Variants in PTGR1 observed in about 807,000 individuals in gnomAD.
The protein encoded by PTGR1 is prostaglandin reductase 1, also known as 15-oxoprostaglandin 13-reductase.
Under a neutral mutation model 37.7 loss-of-function variants are expected in PTGR1, and 23 were observed. That is an observed-to-expected ratio of 0.61 (90% CI 0.44 to 0.86). The LOEUF (loss-of-function observed/expected upper bound fraction) is 0.86, where lower values mean the gene tolerates loss of function less well. Among genes scored for constraint, PTGR1 ranks in the 40% least tolerant of loss-of-function variants. The pLI, the probability that PTGR1 is intolerant of heterozygous loss-of-function variation, is 0.00. For synonymous variants in PTGR1, 134 were observed against 140.0 expected (o/e 0.96, Z 0.30); for missense variants, 351 against 394.3 (o/e 0.89, Z 0.93).
intron 9 of PTGR1, among the ~76,000 whole-genome samples, chr9:111,552,795 AAAATAT>A (rs142667436): frequency 0.026 from 3,943 of 152,320 alleles, 69 homozygotes; most frequent in Non-Finnish European, 0.037. Context: ...CTTTATTATT[AAAATAT>A]AAATATTCTA....
intron 7 of PTGR1, chr9:111,575,357 C>T (rs1211019858): frequency 6.6e-6 from 1 of 152,252 alleles, no homozygotes; most frequent in African/African-American, 2.4e-5. Context: ...AAGACCATAC[C>T]TTTTATAACT....
chr9:111,598,756 T>C (rs1297918051), intron 1 of PTGR1, among the ~76,000 whole-genome samples: 1 of 152,032 alleles, frequency 6.6e-6, no homozygotes, highest in African/African-American at 2.4e-5. Flanking sequence ...CGACCTTCCA[T>C]AGTGCTGGGA....
intron 9 of PTGR1, among the ~76,000 whole-genome samples, chr9:111,552,299 A>G (rs1417630291): frequency 6.6e-6 from 1 of 152,070 alleles, no homozygotes; most frequent in Non-Finnish European, 1.5e-5. Flanking sequence ...TTTTTTTCAG[A>G]AGTTTCATAA....
rs756333835 is a variant in PTGR1, at chr9:111,574,764, T to A, written c.730A>T (p.Thr244Ser). Residue 244 changes from threonine (T) to serine (S), a missense_variant, in exon 8 of 10, where the codon ACA (threonine) becomes TCA (serine). Thr to Ser is a moderately conservative substitution (Grantham distance 58). Coordinates refer to ENST00000407693, the MANE Select transcript of PTGR1 (RefSeq NM_001146108.2). ...GGAAGTGGGCCGGTTCTGTTATATG[T>A]AGAGATGGCTCCACATATGGCAATC... Reference protein sequence around the residue: ...GRIAICGAISTYNRTGPLPPG... With the variant: ...GRIAICGAISSYNRTGPLPPG... The A allele has an allele frequency of 6.2e-7, 1 of 1,613,894 alleles. No individual in the cohort carries two copies. Among genetic ancestry groups the A allele is most frequent in the Middle Eastern group, 1.6e-4 (1 of 6,074 alleles).
chr9:111,592,030 T>C (rs1005328993), intron 4 of PTGR1, among the ~76,000 whole-genome samples: 5 of 152,182 alleles, frequency 3.3e-5, no homozygotes, highest in Admixed American at 3.3e-4. Context: ...GGGAATGGAA[T>C]GCAACCCTTG....
chr9:111,551,794 CTT>C (rs888495407), intron 9 of PTGR1, among the ~76,000 whole-genome samples: 1 of 152,146 alleles, frequency 6.6e-6, no homozygotes, highest in African/African-American at 2.4e-5. Flanking sequence ...ACTTTCAAAA[CTT>C]TTTAAGTAAA....
chr9:111,597,294 G>A (rs753885440), intron 2 of PTGR1, 23 bp downstream of exon 2: 1 of 1,550,488 alleles, frequency 6.4e-7, no homozygotes, highest in South Asian at 1.1e-5. Flanking sequence ...TTCCAACTCT[G>A]AAATATTTTT....
Position 111,591,814 on chromosome 9 carries a change from G to T in PTGR1, c.209+1112C>A, listed in dbSNP as rs149847172. Among the ~76,000 whole-genome samples the T allele has an allele frequency of 2.6e-5, 4 of 152,060 alleles. No individual in the cohort carries two copies. In the South Asian group the frequency reaches 8.3e-4, roughly 32 times the overall value. On this transcript the variant is annotated intron_variant, in intron 4 of 9. Transcript: ENST00000407693. ...GCAGACCCCCTGAAACTATTGCTAC[G>T]GAATAAAAGATGAAATGCTCCTGAT... is the stretch of plus-strand genomic sequence containing the variant.
chr9:111,571,231 G>T (rs1392650951), intron 8 of PTGR1, among the ~76,000 whole-genome samples: 2 of 149,188 alleles, frequency 1.3e-5, no homozygotes, highest in Non-Finnish European at 3.0e-5. Context: ...GGCCAACATG[G>T]TGAAACCCTG....
chr9:111,569,177 T>A (rs1355866343), intron 9 of PTGR1, among the ~76,000 whole-genome samples: 1 of 152,094 alleles, frequency 6.6e-6, no homozygotes, highest in Non-Finnish European at 1.5e-5. Flanking sequence ...AGGCTGGAGA[T>A]AGAGATGGGA....
chr9:111,555,183 G>A (rs1314362072), intron 9 of PTGR1, among the ~76,000 whole-genome samples: 1 of 152,034 alleles, frequency 6.6e-6, no homozygotes, highest in Non-Finnish European at 1.5e-5. Context: ...CAGGCCCAGG[G>A]TACCCAAGTT....
In PTGR1 at chr9:111,594,264, A is replaced by G; in HGVS notation, c.110T>C (p.Val37Ala). Residue 37 changes from valine (V) to alanine (A), a missense_variant, in exon 3 of 10, where the codon GTC becomes GCC. Coordinates refer to ENST00000407693, the MANE Select transcript of PTGR1 (RefSeq NM_001146108.2). ...GGTGAGGAACAAAGCTTCAAGCAGG[A>G]CCTCTACAAAATAAAGCATTCCATA... ...AELPPLKNGE[V>A]LLEALFLTVD... 6.2e-7 allele frequency: 1 copy of G among 1,613,280 alleles called. No homozygotes were observed. The highest frequency in any genetic ancestry group is 8.5e-7 in the Non-Finnish European group (1 of 1,179,390).
chr9:111,588,482 G>C (rs1393767448), intron 4 of PTGR1, among the ~76,000 whole-genome samples: 1 of 151,348 alleles, frequency 6.6e-6, no homozygotes. Context: ...TGCCCGCCTC[G>C]GCCTCCCAAA....
At chr9:111,561,734 C>G (rs1828329086), downstream of PTGR1, among the ~76,000 whole-genome samples, 1 of 152,144 alleles carries the variant, frequency 6.6e-6, no homozygotes, top group Non-Finnish European at 1.5e-5. Context: ...CCCTAAGACC[C>G]CTATATGCCT....
downstream of PTGR1, among the ~76,000 whole-genome samples, chr9:111,561,144 AGAGG>A (rs1828299015): frequency 9.7e-5 from 5 of 51,434 alleles, no homozygotes; most frequent in Non-Finnish European, 1.4e-4. Context: ...GAGAGGAGAG[AGAGG>A]GAGAGAGAGA....
At chr9:111,557,377 TA>T (rs201364819) in intron 9 of PTGR1, among the ~76,000 whole-genome samples, 96 of 143,846 alleles carry the variant, frequency 6.7e-4, no homozygotes, top group Non-Finnish European at 5.8e-4. Context: ...CCATCTCCAG[TA>T]AAAAAAAAAA....
chr9:111,598,439 GAGCCAGGGGGGCGGTCTGATCTGC>G (rs1211685730), intron 1 of PTGR1, among the ~76,000 whole-genome samples: 4 of 152,198 alleles, frequency 2.6e-5, no homozygotes, highest in African/African-American at 9.6e-5. Flanking sequence ...CATTGCGAGG[GAGCCAGGGGGGCGGTCTGATCTGC>G]AGCCCGGGGT....
At chr9:111,561,571 T>TAA (rs1828322622), downstream of PTGR1, among the ~76,000 whole-genome samples, 1 of 152,126 alleles carries the variant, frequency 6.6e-6, no homozygotes, top group African/African-American at 2.4e-5. Flanking sequence ...CCTTCAGTAA[T>TAA]GTTTTAAGTT....
In PTGR1 at chr9:111,585,362, A is replaced by G. The variant is rs905950174; in HGVS notation, c.377+636T>C. On this transcript the variant is annotated intron_variant, in intron 5 of 9. Transcript: ENST00000407693. ...CTCTCCTACCCCACACCTGGCTCAC[A>G]GTGCAGAGGGAAGGATGAGCAGGAT... 2.0e-5 allele frequency among the ~76,000 whole-genome samples: 3 copies of G among 152,228 alleles called. No individual in the cohort carries two copies. In the East Asian group the frequency reaches 5.8e-4, roughly 29 times the overall value.
Sources: gnomAD v4.1 joint callset for allele counts (sites outside exome capture counted in the v4.1 genomes callset) on GRCh38, gnomAD v4.1.1 for gene constraint, MANE v1.5 for transcripts, NCBI Gene and HGNC (gene_info 2026-07-23, HGNC 2026-07-21) for gene names.